The following SOS2 variants were observed in gnomAD, a reference collection of about 807,000 sequenced individuals.
SOS2 encodes the protein son of sevenless homolog 2.
A neutral mutation model predicts 148.2 loss-of-function variants in SOS2; 65 were observed. The observed-to-expected ratio is 0.44, with a 90% CI of 0.36 to 0.54. SOS2 has a LOEUF of 0.54. SOS2 is among the 20% of genes least tolerant of loss of function. The probability of loss-of-function intolerance (pLI) is 0.00; values close to 1 mark genes in which losing one functional copy is unlikely to be tolerated. For missense variants in SOS2, 1,341 were observed against 1,590.2 expected (o/e 0.84, Z 2.67); for synonymous variants, 539 against 537.1 (o/e 1.00, Z -0.05).
At chr14:50,139,265 C>G (rs1884185307) in intron 17 of SOS2, among the ~76,000 whole-genome samples, 1 of 147,862 alleles carries the variant, frequency 6.8e-6, no homozygotes, top group African/African-American at 2.5e-5. Flanking sequence ...ATAATTACTT[C>G]TCATTCATGA....
chr14:50,181,486 A>G (rs1011777713), intron 6 of SOS2, among the ~76,000 whole-genome samples: 2 of 152,034 alleles, frequency 1.3e-5, no homozygotes, highest in Admixed American at 6.6e-5. Flanking sequence ...CATAGTGCAA[A>G]TATGTTTGTT....
rs1047620605 is a variant in SOS2 at position 50,117,561 on chromosome 14, C to A, written c.*783G>T. ...CACTTAAATTTATATAGGTTATTAG[C>A]AGTATCTTTAAATATACAATATAAA... On this transcript the variant is annotated 3_prime_UTR_variant, in exon 23 of 23. Transcript: ENST00000216373. 1 of 152,124 alleles carries A rather than the reference C, an allele frequency of 6.6e-6. No individual in the cohort carries two copies. The highest frequency in any genetic ancestry group is 1.5e-5 in the Non-Finnish European group (1 of 68,022). The allele number at this position is 152,124 out of a possible 1,614,324, so 9.4% of individuals were successfully genotyped here.
chr14:50,122,946 G>A (rs560981196), intron 21 of SOS2, among the ~76,000 whole-genome samples: 1 of 152,152 alleles, frequency 6.6e-6, no homozygotes. Flanking sequence ...TGAAGCACTA[G>A]CAATATAACC....
Position 50,123,916 on chromosome 14 carries a change from T to G in SOS2, c.3380-3532A>C, listed in dbSNP as rs552156809. 3.9e-5 allele frequency among the ~76,000 whole-genome samples: 6 copies of G among 152,280 alleles called. No individual in the cohort carries two copies. The East Asian group carries it at 9.6e-4, about 24-fold the overall frequency. On this transcript the variant is annotated intron_variant, in intron 21 of 22. Coordinates refer to ENST00000216373, the MANE Select transcript of SOS2 (RefSeq NM_006939.4). ...AGAGTAGTCAAGATTTGTTGATAGG[T>G]CACATTTGGCGTGTGAGAAAGGGAG...
chr14:50,150,493 GACA>G (rs1242148337), intron 13 of SOS2, among the ~76,000 whole-genome samples: 3 of 151,402 alleles, frequency 2.0e-5, no homozygotes, highest in Admixed American at 6.6e-5. Context: ...ACATAAAACT[GACA>G]ACTTCTTAAT....
intron 8 of SOS2, among the ~76,000 whole-genome samples, chr14:50,164,005 C>T (rs564903123): frequency 5.3e-5 from 8 of 152,222 alleles, no homozygotes; most frequent in Admixed American, 1.3e-4. Flanking sequence ...TATTAAACAA[C>T]GGCTCTGTTT....
chr14:50,161,778 C>A (rs1028635067), intron 8 of SOS2, among the ~76,000 whole-genome samples, 169 bp from the exon 9 acceptor site: 2 of 131,410 alleles, frequency 1.5e-5, no homozygotes, highest in African/African-American at 5.9e-5. Context: ...TCAAACCAAC[C>A]CTTTTTCTTT....
intron 8 of SOS2, among the ~76,000 whole-genome samples, chr14:50,170,181 C>T (rs1027192864): frequency 6.6e-6 from 1 of 151,638 alleles, no homozygotes; most frequent in Middle Eastern, 3.4e-3. Context: ...GACCTTCTCA[C>T]CTTGGCCTCC....
chr14:50,187,335 A>C (rs1478739433), intron 5 of SOS2, among the ~76,000 whole-genome samples: 1 of 139,102 alleles, frequency 7.2e-6, no homozygotes, highest in African/African-American at 2.6e-5. Context: ...TATTATTATT[A>C]TTATTGTTAC....
chr14:50,168,343 T>TCA (rs1885233471), intron 8 of SOS2, among the ~76,000 whole-genome samples: 1 of 152,190 alleles, frequency 6.6e-6, no homozygotes, highest in Admixed American at 6.5e-5. Context: ...CATCTCAGTC[T>TCA]CACAAGTAGC....
At chr14:50,225,776 A>G (rs1245633416) in intron 1 of SOS2, among the ~76,000 whole-genome samples, 1 of 152,202 alleles carries the variant, frequency 6.6e-6, no homozygotes, top group East Asian at 1.9e-4. Context: ...TTCAAAAAGC[A>G]ATTCTGATCA....
At chr14:50,155,628 C>T (rs1305552036) in intron 12 of SOS2, among the ~76,000 whole-genome samples, 2 of 152,192 alleles carry the variant, frequency 1.3e-5, no homozygotes, top group Non-Finnish European at 2.9e-5. Flanking sequence ...CAATATATAA[C>T]TGTTTCATGT....
intron 1 of SOS2, among the ~76,000 whole-genome samples, chr14:50,207,141 T>A (rs1016236599): frequency 3.3e-5 from 5 of 152,084 alleles, no homozygotes; most frequent in African/African-American, 7.2e-5. Context: ...ATTTAGAAAA[T>A]TTTTTTTAAA....
At chr14:50,154,170 T>C (rs1884746899) in intron 12 of SOS2, among the ~76,000 whole-genome samples, 1 of 152,062 alleles carries the variant, frequency 6.6e-6, no homozygotes, top group African/African-American at 2.4e-5. Flanking sequence ...AAAGAAAATA[T>C]TTGCAAAATG....
intron 8 of SOS2, among the ~76,000 whole-genome samples, chr14:50,166,269 C>T (rs775013592): frequency 6.6e-6 from 1 of 152,186 alleles, no homozygotes; most frequent in Non-Finnish European, 1.5e-5. Flanking sequence ...GTCAACTAGG[C>T]TGGAATGCAG....
At chr14:50,120,069 G>A (rs1418806685) in intron 22 of SOS2, among the ~76,000 whole-genome samples, 1 of 152,102 alleles carries the variant, frequency 6.6e-6, no homozygotes, top group Non-Finnish European at 1.5e-5. Context: ...CGCCTGGCAT[G>A]AGCCACTGCG....
intron 1 of SOS2, 95 bp downstream of exon 1, chr14:50,231,102 G>A (rs1887527630): frequency 1.4e-6 from 1 of 701,888 alleles, no homozygotes; most frequent in East Asian, 3.7e-5. Context: ...GCTCGGCCCC[G>A]GGGACTCGAG....
intron 21 of SOS2, among the ~76,000 whole-genome samples, chr14:50,121,759 CA>C (rs1883522147): frequency 6.6e-6 from 1 of 151,892 alleles, no homozygotes; most frequent in Non-Finnish European, 1.5e-5. Flanking sequence ...CCTGTTGGCT[CA>C]GGGGGAAATA....
Position 50,118,525 on chromosome 14 carries a change from C to T in SOS2, c.3818G>A (p.Arg1273Gln), listed in dbSNP as rs58365465. 58 of 1,613,962 alleles carry T rather than the reference C, an allele frequency of 3.6e-5. No individual in the cohort carries two copies. In the South Asian group the frequency reaches 4.6e-4, roughly 13 times the overall value. ...PSTPSPRVPR[R>Q]CYVLSSSQNN... is the part of the protein sequence containing the mutation. The stretch of plus-strand genomic sequence containing the variant: ...CTGACTAGAACTGAGCACATAGCAT[C>T]GACGCGGTACCCTTGGAGAGGGTGT... The change falls in exon 23 of 23, where the codon CGA becomes CAA. Residue 1273 changes from arginine (R) to glutamine (Q), a missense_variant. Physicochemically the swap from Arg to Gln is conservative, Grantham distance 43. This residue lies in a region of SOS2 where 354 missense variants were observed against 347.7 expected (regional missense o/e 1.02). Coordinates refer to ENST00000216373, the MANE Select transcript of SOS2 (RefSeq NM_006939.4).
Sources: allele counts gnomAD v4.1 joint callset (sites outside exome capture counted in the v4.1 genomes callset), GRCh38; gene constraint gnomAD v4.1.1; regional missense constraint gnomAD v4.1.1; transcripts MANE v1.5; gene names NCBI Gene and HGNC (gene_info 2026-07-23, HGNC 2026-07-21).